The following FUNDC2 variants were observed in gnomAD, a reference collection of about 807,000 sequenced individuals.
The protein encoded by FUNDC2 is FUN14 domain-containing protein 2.
In FUNDC2, 4 loss-of-function variants were observed where a neutral mutation model predicts 15.6. The observed-to-expected ratio is 0.26, with a 90% CI of 0.13 to 0.59. The LOEUF (loss-of-function observed/expected upper bound fraction) is 0.59, where lower values mean the gene tolerates loss of function less well. Among genes scored for constraint, FUNDC2 ranks in the 20% least tolerant of loss-of-function variants. The pLI, the probability that FUNDC2 is intolerant of heterozygous loss-of-function variation, is 0.90. For synonymous variants in FUNDC2, 44 were observed against 56.9 expected (o/e 0.77, Z 1.02); for missense variants, 98 against 149.7 (o/e 0.65, Z 1.80).
chrX:155,032,010 T>C (rs1355837909), intron 1 of FUNDC2, among the ~76,000 whole-genome samples: 5 of 109,391 alleles, frequency 4.6e-5, no homozygotes, highest in African/African-American at 1.7e-4. Context: ...AGTTTCACTC[T>C]TGTTGCCCAG....
intron 1 of FUNDC2, among the ~76,000 whole-genome samples, chrX:155,029,583 G>A (rs782325560): frequency 2.6e-4 from 28 of 107,657 alleles, no homozygotes; most frequent in Non-Finnish European, 3.7e-4. Context: ...GAGAAACCCT[G>A]TCTCTACTAA....
intron 4 of FUNDC2, chrX:155,054,239 A>C: frequency 1.3e-6 from 1 of 752,945 alleles, no homozygotes; most frequent in East Asian, 1.5e-4. Context: ...CTCTGTAACC[A>C]GTTTATTTAG....
chrX:155,050,888 C>T (rs781849052), intron 3 of FUNDC2: 1 of 111,874 alleles, frequency 8.9e-6, no homozygotes, highest in African/African-American at 3.3e-5. Context: ...GTGCCATTAG[C>T]TAAAATAGGG....
intron 1 of FUNDC2, among the ~76,000 whole-genome samples, chrX:155,030,876 G>C (rs1161645948): frequency 1.8e-5 from 2 of 109,041 alleles, no homozygotes; most frequent in African/African-American, 6.7e-5. Context: ...TAGTAGAGAC[G>C]GGGTTTTACC....
chrX:155,057,049 ATGAGAACGGCTG>A lies in FUNDC2; in HGVS notation c.*2382_*2393del, dbSNP rs1569560303. On this transcript the variant is annotated 3_prime_UTR_variant, in exon 5 of 5. Coordinates refer to ENST00000369498, the MANE Select transcript of FUNDC2 (RefSeq NM_023934.4). ...TGCAGGTTGGCCTCATCCTGCTAGT[ATGAGAACGGCTG>A]TGAGTTCTGCCCACGGTGTGAGGCC... The A allele has an allele frequency of 1.0e-5, 1 of 96,906 alleles. No homozygotes were observed. The highest frequency in any genetic ancestry group is 1.0e-4 in the Admixed American group (1 of 9,546). 8.0% of individuals were successfully genotyped at this position (96,906 alleles called of 1,213,427 possible).
At chrX:155,052,694 C>T (rs1407905309) in intron 4 of FUNDC2, among the ~76,000 whole-genome samples, 1 of 111,849 alleles carries the variant, frequency 8.9e-6, no homozygotes, top group Non-Finnish European at 1.9e-5. Context: ...GGTGCCTTTA[C>T]CCAGAGTGGG....
At chrX:155,031,873 G>T (rs1557288766) in intron 1 of FUNDC2, among the ~76,000 whole-genome samples, 1 of 112,049 alleles carries the variant, frequency 8.9e-6, no homozygotes, top group Non-Finnish European at 1.9e-5. Context: ...GCTGGGTATA[G>T]TAGGGGAGCC....
At chrX:155,046,435 A>G (rs2073862796) in intron 2 of FUNDC2, 74 bp from the exon 3 acceptor site, 1 of 932,519 alleles carries the variant, frequency 1.1e-6, no homozygotes. Flanking sequence ...GTAAGATATG[A>G]ACATTGCCAG....
chrX:155,057,590 G>C lies in FUNDC2; in HGVS notation c.*2918G>C, dbSNP rs1264150472. The C allele has an allele frequency of 8.9e-6, 1 of 111,791 alleles. No homozygotes were observed. The highest frequency in any genetic ancestry group is 3.3e-5 in the African/African-American group (1 of 30,627). The allele number at this position is 111,791 out of a possible 1,213,427, so 9.2% of individuals were successfully genotyped here. On this transcript the variant is annotated 3_prime_UTR_variant, in exon 5 of 5. Coordinates refer to ENST00000369498, the MANE Select transcript of FUNDC2 (RefSeq NM_023934.4). ...AAGGCTTCCAACTTGTCAACCAATA[G>C]GATGGCATCTACGTAGTGAAGGCTT... is the stretch of plus-strand genomic sequence containing the variant.
rs2073907056 is a variant in FUNDC2 at position 155,057,046 on chromosome X, A to AC, written c.*2374_*2375insC. On this transcript the variant is annotated 3_prime_UTR_variant, in exon 5 of 5. Transcript: ENST00000369498. ...TATTGCAGGTTGGCCTCATCCTGCT[A>AC]GTATGAGAACGGCTGTGAGTTCTGC... 1.0e-5 allele frequency: 1 copy of AC among 96,908 alleles called. No individual in the cohort carries two copies. The highest frequency in any genetic ancestry group is 2.2e-5 in the Non-Finnish European group (1 of 44,734). 8.0% of individuals were successfully genotyped at this position (96,908 alleles called of 1,213,427 possible). A position where few individuals can be genotyped will look rare whatever the true frequency, so the allele number is the denominator to read the frequency against.
At chrX:155,053,788 G>T (rs2073885635) in intron 4 of FUNDC2, 1 of 746,456 alleles carries the variant, frequency 1.3e-6, no homozygotes, top group African/African-American at 2.3e-5. Flanking sequence ...AGGCCAGGAT[G>T]TTGGATGTCT....
Position 155,054,793 on chromosome X carries a change from C to G in FUNDC2, c.*121C>G. ...TGCCTTCTTCCCTGCCATGGCAAATCTGAGTGGCTTCTCTAAGCATCTGCT... is the reference window on the plus strand; with the variant it reads ...TGCCTTCTTCCCTGCCATGGCAAATGTGAGTGGCTTCTCTAAGCATCTGCT... On this transcript the variant is annotated 3_prime_UTR_variant, in exon 5 of 5. Coordinates refer to ENST00000369498, the MANE Select transcript of FUNDC2 (RefSeq NM_023934.4). The G allele has an allele frequency of 1.6e-6, 1 of 607,194 alleles. No homozygotes were observed. 50.0% of individuals were successfully genotyped at this position (607,194 alleles called of 1,213,427 possible).
At chrX:155,032,733 C>G (rs1557288863) in intron 1 of FUNDC2, among the ~76,000 whole-genome samples, 1 of 112,170 alleles carries the variant, frequency 8.9e-6, no homozygotes, top group African/African-American at 3.2e-5. Context: ...TGGAGATCCA[C>G]GTAGTACTTA....
At chrX:155,028,391 C>T (rs1469420523) in intron 1 of FUNDC2, among the ~76,000 whole-genome samples, 3 of 111,894 alleles carry the variant, frequency 2.7e-5, no homozygotes, top group Non-Finnish European at 5.6e-5. Context: ...GTGGCACAAT[C>T]ATAGCTCACT....
In FUNDC2 at chrX:155,055,960, A is replaced by G. The variant is rs1223252084; in HGVS notation, c.*1288A>G. On this transcript the variant is annotated 3_prime_UTR_variant, in exon 5 of 5. Transcript: ENST00000369498. ...ACCCGTCTTGAGAATGATGTATTGAATTTGAAAATCAAAACTACCAGTGGA... is the reference window on the plus strand; with the variant it reads ...ACCCGTCTTGAGAATGATGTATTGAGTTTGAAAATCAAAACTACCAGTGGA... 8.9e-6 allele frequency: 1 copy of G among 112,221 alleles called. No individual in the cohort carries two copies. Among genetic ancestry groups the G allele is most frequent in the Non-Finnish European group, 1.9e-5 (1 of 53,269 alleles). 9.2% of individuals were successfully genotyped at this position (112,221 alleles called of 1,213,427 possible).
chrX:155,050,838 C>T (rs988974029), intron 3 of FUNDC2: 1 of 111,929 alleles, frequency 8.9e-6, no homozygotes, highest in African/African-American at 3.3e-5. Flanking sequence ...TTATGATACA[C>T]ATCACAAGTA....
At chrX:155,036,846 T>C (rs782369458) in intron 2 of FUNDC2, among the ~76,000 whole-genome samples, 4 of 111,730 alleles carry the variant, frequency 3.6e-5, no homozygotes, top group Non-Finnish European at 7.5e-5. Flanking sequence ...TCATGCTGTT[T>C]TGATTACTGT....
Position 155,033,479 on chromosome X carries a change from C to G in FUNDC2, c.210C>G (p.Phe70Leu), listed in dbSNP as rs147164809. The G allele has an allele frequency of 8.3e-7, 1 of 1,210,743 alleles. No individual in the cohort carries two copies. Among genetic ancestry groups the G allele is most frequent in the Non-Finnish European group, 1.1e-6 (1 of 894,393 alleles). The stretch of plus-strand genomic sequence containing the variant: ...AGCAGCCATGGTGGCGTAAGCTGTT[C>G]GGGCAGGAATCTGGACCTTCAGCAG... ...AKKQPWWRKL[F>L]GQESGPSAEK... Residue 70 changes from phenylalanine (F) to leucine (L), a missense_variant, in exon 2 of 5, where the codon TTC becomes TTG. Phe to Leu is a conservative substitution (Grantham distance 22, BLOSUM62 0). Coordinates refer to ENST00000369498, the MANE Select transcript of FUNDC2 (RefSeq NM_023934.4).
At chrX:155,027,161 C>T in intron 1 of FUNDC2, 90 bp downstream of exon 1, 1 of 949,715 alleles carries the variant, frequency 1.1e-6, no homozygotes, top group Non-Finnish European at 1.3e-6. Context: ...CCAGTCGCGA[C>T]CGAGCTCCCC....
Sources: gnomAD v4.1 joint callset for allele counts (sites outside exome capture counted in the v4.1 genomes callset) on GRCh38, gnomAD v4.1.1 for gene constraint, MANE v1.5 for transcripts, NCBI Gene and HGNC (gene_info 2026-07-23, HGNC 2026-07-21) for gene names.